ZNF469: variants seen among roughly 807,000 people sequenced by gnomAD.
ZNF469 encodes zinc finger protein 469.
ZNF469 carries 1 observed loss-of-function variant against 1.0 expected under a neutral mutation model. That is an observed-to-expected ratio of 1.00 (90% confidence interval 0.35 to 4.73). ZNF469 has a LOEUF of 4.73. Ranked by LOEUF, ZNF469 falls within the 30% of genes most tolerant of loss-of-function variation. The pLI is 0.16. For missense variants in ZNF469, 6,100 were observed against 5,356.3 expected (o/e 1.14, Z -4.33); for synonymous variants, 2,703 against 2,363.4 (o/e 1.14, Z -4.17).
Position 88,432,027 on chromosome 16 carries a change from G to T in ZNF469, c.4557G>T (p.Ser1519=). ...TGCCTAGCCATTTTCCTGATCTCTC[G>T]GGGGGAAAGGTGCTCAGTAAGACGT... ...PMLPSHFPDL[S]GGKVLSKTCP... Residue 1519 remains serine (S), a synonymous_variant, in exon 3 of 3, where the codon TCG becomes TCT. Coordinates refer to ENST00000565624, the MANE Select transcript of ZNF469 (RefSeq NM_001367624.2). 1 of 1,550,218 alleles carries T rather than the reference G, an allele frequency of 6.5e-7. No individual in the cohort carries two copies. The highest frequency in any genetic ancestry group is 8.7e-7 in the Non-Finnish European group (1 of 1,146,974).
the ZNF469 span, among the ~76,000 whole-genome samples, chr16:88,307,260 T>C: frequency 1.3e-5 from 2 of 152,270 alleles, no homozygotes; most frequent in African/African-American, 4.8e-5. Context: ...CTGATGGAAG[T>C]GTGGGCTGTT....
the ZNF469 span, among the ~76,000 whole-genome samples, chr16:88,369,311 T>C: frequency 1.3e-5 from 2 of 152,204 alleles, no homozygotes; most frequent in South Asian, 2.1e-4. Context: ...CACATGCAAA[T>C]AAATGCAAAT....
Position 88,439,107 on chromosome 16 carries a change from G to A in ZNF469, c.11637G>A (p.Lys3879=), listed in dbSNP as rs1037136863. Residue 3879 remains lysine, a synonymous_variant, in exon 3 of 3, where the codon AAG becomes AAA. Coordinates refer to ENST00000565624, the MANE Select transcript of ZNF469 (RefSeq NM_001367624.2). ...KPRPPPSEQR[K]AEPGHTQRKD... ...GGCCGCCACCATCAGAGCAGCGGAAGGCAGAGCCGGGCCACACACAGAGGA... is the reference window on the plus strand; with the variant it reads ...GGCCGCCACCATCAGAGCAGCGGAAAGCAGAGCCGGGCCACACACAGAGGA... The A allele has an allele frequency of 3.2e-6, 5 of 1,550,968 alleles. No homozygotes were observed. The highest frequency in any genetic ancestry group is 4.4e-6 in the Non-Finnish European group (5 of 1,146,978).
chr16:88,224,435 G>A, the ZNF469 span, among the ~76,000 whole-genome samples: 8 of 152,344 alleles, frequency 5.3e-5, no homozygotes, highest in Non-Finnish European at 4.4e-5. Flanking sequence ...TGTAACATGC[G>A]CTGGAGGAAA....
the ZNF469 span, among the ~76,000 whole-genome samples, chr16:88,244,987 G>T: frequency 6.6e-6 from 1 of 151,968 alleles, no homozygotes; most frequent in Non-Finnish European, 1.5e-5. Context: ...CTGATCAGAA[G>T]ACCCATCGGA....
chr16:88,405,188 G>A (rs1157279709), intron 1 of ZNF469, among the ~76,000 whole-genome samples: 1 of 152,158 alleles, frequency 6.6e-6, no homozygotes, highest in African/African-American at 2.4e-5. Flanking sequence ...CCACAGGATG[G>A]GCCAGGGCTA....
chr16:88,193,974 C>G, the ZNF469 span, among the ~76,000 whole-genome samples: 3 of 152,206 alleles, frequency 2.0e-5, no homozygotes, highest in Non-Finnish European at 2.9e-5. Context: ...TTCCTAATCC[C>G]ATCACTTTGA....
At chr16:88,368,179 A>C in the ZNF469 span, among the ~76,000 whole-genome samples, 8 of 152,256 alleles carry the variant, frequency 5.3e-5, no homozygotes, top group Non-Finnish European at 8.8e-5. Context: ...CAAGCTTGGC[A>C]TCAGATGCTG....
In ZNF469 at chr16:88,424,662, G is replaced by A. The variant is rs544082178; in HGVS notation, c.-191-145G>A. Among the ~76,000 whole-genome samples, 3 of 152,152 alleles carry A rather than the reference G, an allele frequency of 2.0e-5. No homozygotes were observed. Among genetic ancestry groups the A allele is most frequent in the South Asian group, 4.2e-4 (2 of 4,798 alleles). ...TCTGAGGGGAGCTCACCCATCTCCC[G>A]GTGGCTCTTGGTGGCTTCCCGGTGC... On this transcript the variant is annotated intron_variant, in intron 1 of 2. Coordinates refer to ENST00000565624, the MANE Select transcript of ZNF469 (RefSeq NM_001367624.2). The surrounding 1 kb of genome is among the most constrained non-coding windows in gnomAD (Gnocchi z 4.3).
chr16:88,214,928 T>G, the ZNF469 span, among the ~76,000 whole-genome samples: 1 of 152,230 alleles, frequency 6.6e-6, no homozygotes, highest in African/African-American at 2.4e-5. Context: ...AGGATTCAAG[T>G]ATTTTTCTGG....
the ZNF469 span, among the ~76,000 whole-genome samples, chr16:88,365,037 G>A: frequency 1.3e-5 from 2 of 152,190 alleles, no homozygotes; most frequent in Non-Finnish European, 2.9e-5. Context: ...GATATTTGAT[G>A]TTTTACGATG....
the ZNF469 span, among the ~76,000 whole-genome samples, chr16:88,223,335 A>G: frequency 2.0e-5 from 3 of 152,314 alleles, no homozygotes; most frequent in Admixed American, 2.0e-4. Flanking sequence ...GCCTGCTGCC[A>G]TGTAAGACAT....
chr16:88,176,174 A>G, the ZNF469 span, among the ~76,000 whole-genome samples: 1 of 151,122 alleles, frequency 6.6e-6, no homozygotes, highest in African/African-American at 2.4e-5. Context: ...AAATGCTTCC[A>G]TTAGATGGGG....
At chr16:88,230,320 CGGCCTCT>C in the ZNF469 span, among the ~76,000 whole-genome samples, 4 of 152,234 alleles carry the variant, frequency 2.6e-5, no homozygotes, top group Admixed American at 2.0e-4. Context: ...ATTGCTGAGG[CGGCCTCT>C]GGCCTCTGGG....
chr16:88,316,441 G>T, the ZNF469 span, among the ~76,000 whole-genome samples: 3 of 152,098 alleles, frequency 2.0e-5, no homozygotes, highest in African/African-American at 7.2e-5. Flanking sequence ...TTTCATGAGG[G>T]TGATGTGATC....
At chr16:88,395,947 C>T (rs978018498) in intron 1 of ZNF469, among the ~76,000 whole-genome samples, 2 of 152,240 alleles carry the variant, frequency 1.3e-5, no homozygotes, top group African/African-American at 4.8e-5. Context: ...CCCAGGTGAA[C>T]TCTGGAGTCA....
chr16:88,435,877 C>G lies in ZNF469; in HGVS notation c.8407C>G (p.Pro2803Ala). ...GCCCCCCTTGGGCCCCCTGGGTTTT[C>G]CCGAGACTTCCAGCTCTCCGGCGGA... Reference protein sequence around the residue: ...NTPPLGPLGFPETSSSPADST... With the variant: ...NTPPLGPLGFAETSSSPADST... The change falls in exon 3 of 3, where the codon CCC (proline) becomes GCC (alanine). Residue 2803 changes from proline (P) to alanine (A), a missense_variant. Transcript: ENST00000565624. The G allele has an allele frequency of 6.5e-7, 1 of 1,550,206 alleles. No individual in the cohort carries two copies. The highest frequency in any genetic ancestry group is 2.4e-5 in the East Asian group (1 of 40,922).
chr16:88,227,844 G>A, the ZNF469 span, among the ~76,000 whole-genome samples: 113,400 of 152,126 alleles, frequency 0.75, 44,168 homozygotes, highest in Middle Eastern at 0.88. Context: ...GGTGCCAGCC[G>A]TCCTCGGCGT....
chr16:88,420,090 A>G (rs566426462), intron 1 of ZNF469, among the ~76,000 whole-genome samples: 7 of 152,280 alleles, frequency 4.6e-5, no homozygotes, highest in African/African-American at 1.7e-4. Context: ...ATGTGTGGGG[A>G]AGACAGGGCA....
Sources: allele counts gnomAD v4.1 joint callset (sites outside exome capture counted in the v4.1 genomes callset), GRCh38; gene constraint gnomAD v4.1.1; non-coding constraint Gnocchi (gnomAD v3.1); transcripts MANE v1.5; gene names NCBI Gene and HGNC (gene_info 2026-07-23, HGNC 2026-07-21).